Variants in ALK observed in about 807,000 individuals in gnomAD.
ALK encodes the protein ALK tyrosine kinase receptor.
In ALK, 74 loss-of-function variants were observed where a neutral mutation model predicts 163.1. The ratio of observed to expected loss-of-function variants is 0.45; its 90% CI spans 0.38 to 0.55. The LOEUF (loss-of-function observed/expected upper bound fraction) is 0.55. ALK is among the 20% of genes least tolerant of loss of function. ALK has a pLI of 0.00. For missense variants in ALK, 2,063 were observed against 2,105.3 expected, an observed-to-expected ratio of 0.98 and a Z score of 0.39; for synonymous variants, 960 against 843.2, an observed-to-expected ratio of 1.14 and a Z score of -2.40.
intron 22 of ALK, chr2:29,221,313 T>G: frequency 8.3e-6 from 4 of 479,146 alleles, no homozygotes; most frequent in Non-Finnish European, 1.3e-5. Context: ...TCTATCAGTT[T>G]CCCGTGGATT....
At chr2:29,225,926 G>C (rs1490720936) in intron 18 of ALK, among the ~76,000 whole-genome samples, 1 of 151,440 alleles carries the variant, frequency 6.6e-6, no homozygotes, top group Non-Finnish European at 1.5e-5. Context: ...TGCGCTGTAA[G>C]TAACACCCTC....
chr2:29,416,408 A>T (rs1256773796), intron 4 of ALK, among the ~76,000 whole-genome samples: 1 of 152,246 alleles, frequency 6.6e-6, no homozygotes, highest in Non-Finnish European at 1.5e-5. Context: ...ATGATTTCAG[A>T]TATCATGAAG....
At chr2:29,700,161 T>A (rs1475128054) in intron 2 of ALK, among the ~76,000 whole-genome samples, 1 of 152,208 alleles carries the variant, frequency 6.6e-6, no homozygotes, top group African/African-American at 2.4e-5. Context: ...CAAGGACTTG[T>A]TGTCATCCCA....
At chr2:29,543,134 CAGA>C (rs1186525755) in intron 3 of ALK, among the ~76,000 whole-genome samples, 2 of 151,958 alleles carry the variant, frequency 1.3e-5, no homozygotes, top group African/African-American at 4.8e-5. Flanking sequence ...GACCAGAGGA[CAGA>C]AGTTTTTATA....
At chr2:29,744,724 A>G (rs774556366) in intron 1 of ALK, among the ~76,000 whole-genome samples, 2 of 152,028 alleles carry the variant, frequency 1.3e-5, no homozygotes, top group African/African-American at 2.4e-5. Flanking sequence ...CTGGGATCTC[A>G]CCTGGGGCTT....
At position 29,750,447 on chromosome 2, in the gene ALK, G is replaced by A. The variant is rs138641085; in HGVS notation, c.668-32750C>T. Reference sequence around the variant, plus strand: ...GGAGGCCAAGGTGGGAGGACTCCTTGAGCCCAGGAGTTTGAGAACAGCCTG... The same window carrying A: ...GGAGGCCAAGGTGGGAGGACTCCTTAAGCCCAGGAGTTTGAGAACAGCCTG... On this transcript the variant is annotated intron_variant, in intron 1 of 28. Transcript: ENST00000389048. Among the ~76,000 whole-genome samples, 168 of 152,176 alleles carry A rather than the reference G, an allele frequency of 1.1e-3. 1 individual carries two copies. Among genetic ancestry groups the A allele is most frequent in the East Asian group, 7.9e-3 (41 of 5,168 alleles).
intron 12 of ALK, among the ~76,000 whole-genome samples, chr2:29,247,466 G>A (rs1041306324): frequency 6.6e-6 from 1 of 152,260 alleles, no homozygotes; most frequent in African/African-American, 2.4e-5. Context: ...AGGACATGGT[G>A]GGTGGAGGAG....
intron 1 of ALK, among the ~76,000 whole-genome samples, chr2:29,758,434 C>T (rs1680603634): frequency 6.6e-6 from 1 of 152,120 alleles, no homozygotes; most frequent in Non-Finnish European, 1.5e-5. Context: ...CTGGTTAAAC[C>T]TTTTCTCAGT....
chr2:29,204,002 A>C (rs180693339), intron 26 of ALK, among the ~76,000 whole-genome samples: 112 of 151,926 alleles, frequency 7.4e-4, no homozygotes, highest in African/African-American at 2.6e-3. Context: ...ATATTTTCCT[A>C]TATTTTCCAT....
chr2:29,245,395 C>T (rs1385321909), intron 12 of ALK, among the ~76,000 whole-genome samples: 4 of 109,162 alleles, frequency 3.7e-5, no homozygotes, highest in East Asian at 3.0e-4. Context: ...AGTAGGGGCT[C>T]CATGGCTCAG....
chr2:29,271,289 T>C (rs999267424), intron 11 of ALK, among the ~76,000 whole-genome samples: 1 of 152,236 alleles, frequency 6.6e-6, no homozygotes, highest in East Asian at 1.9e-4. Flanking sequence ...AGTTGTTCTG[T>C]GGTGAATGGA....
Position 29,728,821 on chromosome 2 carries a change from A to G in ALK, c.668-11124T>C, listed in dbSNP as rs184601695. Among the ~76,000 whole-genome samples the G allele has an allele frequency of 8.0e-4, 122 of 152,276 alleles. 2 individuals are homozygous for G. The highest frequency in any genetic ancestry group is 6.5e-3 in the Admixed American group (99 of 15,306). On this transcript the variant is annotated intron_variant, in intron 1 of 28. Coordinates refer to ENST00000389048, the MANE Select transcript of ALK (RefSeq NM_004304.5). ...TGATGGATGGCCCAATCACACTGCT[A>G]CTGTCCAGCAAAGAACCCCTTGGAG...
At chr2:29,856,348 A>G (rs1666136953) in intron 1 of ALK, among the ~76,000 whole-genome samples, 1 of 152,240 alleles carries the variant, frequency 6.6e-6, no homozygotes, top group African/African-American at 2.4e-5. Context: ...ATGTAGTATC[A>G]GCACAAAGTA....
chr2:29,566,753 G>A (rs1674202256), intron 3 of ALK, among the ~76,000 whole-genome samples: 1 of 152,142 alleles, frequency 6.6e-6, no homozygotes, highest in African/African-American at 2.4e-5. Context: ...TTAAAAAGGA[G>A]AATAGTTAAA....
chr2:29,497,152 A>T (rs1672050229), intron 4 of ALK, among the ~76,000 whole-genome samples: 1 of 152,030 alleles, frequency 6.6e-6, no homozygotes, highest in Admixed American at 6.5e-5. Flanking sequence ...GGCGCCTGTA[A>T]TCTCAGCTAC....
chr2:29,218,183 A>G (rs866654192), intron 23 of ALK, among the ~76,000 whole-genome samples: 8 of 152,282 alleles, frequency 5.3e-5, no homozygotes, highest in Non-Finnish European at 5.9e-5. Context: ...TGGTGGGTGT[A>G]TGGGAGGCGG....
At chr2:29,822,150 T>C (rs559163991) in intron 1 of ALK, among the ~76,000 whole-genome samples, 1 of 152,292 alleles carries the variant, frequency 6.6e-6, no homozygotes, top group African/African-American at 2.4e-5. Flanking sequence ...CAAGTCCCAA[T>C]GCCACCTGAT....
intron 4 of ALK, among the ~76,000 whole-genome samples, chr2:29,409,202 C>G (rs1216963208): frequency 6.6e-6 from 1 of 152,188 alleles, no homozygotes; most frequent in South Asian, 2.1e-4. Context: ...TTGTTTCCCA[C>G]CTGTCCTCAA....
intron 5 of ALK, among the ~76,000 whole-genome samples, chr2:29,336,021 A>AAAGTG (rs1667601764): frequency 6.6e-6 from 1 of 152,158 alleles, no homozygotes; most frequent in African/African-American, 2.4e-5. Flanking sequence ...GCCTGGTGAC[A>AAAGTG]AAGTGAGACT....
Sources: allele counts gnomAD v4.1 joint callset (sites outside exome capture counted in the v4.1 genomes callset), GRCh38; gene constraint gnomAD v4.1.1; transcripts MANE v1.5; gene names NCBI Gene and HGNC (gene_info 2026-07-23, HGNC 2026-07-21).